The following HNRNPC variants were observed in gnomAD, a reference collection of about 807,000 sequenced individuals.
The protein encoded by HNRNPC is heterogeneous nuclear ribonucleoprotein C, also known as heterogeneous nuclear ribonucleoproteins C1/C2.
Under a neutral mutation model 33.2 loss-of-function variants are expected in HNRNPC, and 3 were observed. The observed-to-expected ratio is 0.09, with a 90% CI of 0.04 to 0.23. The LOEUF (loss-of-function observed/expected upper bound fraction) is 0.23, where lower values mean the gene tolerates loss of function less well. HNRNPC is among the 10% of genes least tolerant of loss of function. The pLI is 1.00. For synonymous variants in HNRNPC, 121 were observed against 126.7 expected (o/e 0.96, Z 0.30); for missense variants, 143 against 366.7 (o/e 0.39, Z 4.98).
chr14:21,249,352 A>AT (rs1409703801), intron 2 of HNRNPC, among the ~76,000 whole-genome samples: 1 of 151,656 alleles, frequency 6.6e-6, no homozygotes, highest in Admixed American at 6.6e-5. Flanking sequence ...AGGCAGGTGG[A>AT]TCACCAGAGG....
At chr14:21,248,404 A>G (rs1164882333) in intron 2 of HNRNPC, among the ~76,000 whole-genome samples, 2 of 152,204 alleles carry the variant, frequency 1.3e-5, no homozygotes, top group Non-Finnish European at 2.9e-5. Flanking sequence ...TGGGAAGTCA[A>G]TCTCTTTGAA....
intron 2 of HNRNPC, among the ~76,000 whole-genome samples, chr14:21,258,259 G>C (rs1443083524): frequency 1.3e-5 from 2 of 152,158 alleles, no homozygotes; most frequent in East Asian, 3.9e-4. Flanking sequence ...GTGTGGTGGT[G>C]CATGCCTGCA....
chr14:21,248,489 A>G (rs1896249007), intron 2 of HNRNPC, among the ~76,000 whole-genome samples: 1 of 152,206 alleles, frequency 6.6e-6, no homozygotes, highest in South Asian at 2.1e-4. Context: ...AGCATAAATG[A>G]AACAAGGTAC....
At chr14:21,265,133 A>G (rs1333844930) in intron 1 of HNRNPC, 1 of 152,200 alleles carries the variant, frequency 6.6e-6, no homozygotes, top group African/African-American at 2.4e-5. Context: ...ATGACAGTTA[A>G]TTTTTACATT....
chr14:21,236,020 A>T (rs1325596720), intron 2 of HNRNPC, among the ~76,000 whole-genome samples: 1 of 152,182 alleles, frequency 6.6e-6, no homozygotes, highest in African/African-American at 2.4e-5. Flanking sequence ...ATGGATTTAA[A>T]TGACCATTTT....
chr14:21,245,523 G>A (rs1314962715), intron 2 of HNRNPC, among the ~76,000 whole-genome samples: 2 of 151,900 alleles, frequency 1.3e-5, no homozygotes, highest in Non-Finnish European at 2.9e-5. Context: ...TTTCAAAAAC[G>A]GTATACCTAT....
chr14:21,260,416 G>A (rs1566646973), intron 2 of HNRNPC, among the ~76,000 whole-genome samples: 1 of 148,850 alleles, frequency 6.7e-6, no homozygotes, highest in Non-Finnish European at 1.5e-5. Context: ...AAGGTAGAAG[G>A]AATAAATTTA....
At chr14:21,250,999 C>T (rs1482750592) in intron 2 of HNRNPC, among the ~76,000 whole-genome samples, 4 of 152,142 alleles carry the variant, frequency 2.6e-5, no homozygotes, top group African/African-American at 7.2e-5. Context: ...CGGTGGCTCA[C>T]GCCTGTAATC....
At chr14:21,265,182 A>G (rs561436421) in intron 1 of HNRNPC, 1 of 152,232 alleles carries the variant, frequency 6.6e-6, no homozygotes, top group East Asian at 1.9e-4. Flanking sequence ...AATTGCGGAA[A>G]AAGTTTGTGA....
chr14:21,228,535 G>A (rs550007612), intron 5 of HNRNPC, among the ~76,000 whole-genome samples: 1 of 152,064 alleles, frequency 6.6e-6, no homozygotes, highest in Admixed American at 6.5e-5. Context: ...GGGACTACAG[G>A]CGCGTGCCAC....
At chr14:21,234,404 G>GA (rs1894442487) in intron 2 of HNRNPC, among the ~76,000 whole-genome samples, 175 bp from the exon 3 acceptor site, 1 of 152,194 alleles carries the variant, frequency 6.6e-6, no homozygotes, top group East Asian at 1.9e-4. Flanking sequence ...TCCAGCCTCT[G>GA]AATATACTCT....
intron 2 of HNRNPC, among the ~76,000 whole-genome samples, chr14:21,258,016 TATAAAC>T (rs765606881): frequency 7.2e-5 from 11 of 152,188 alleles, no homozygotes; most frequent in Non-Finnish European, 1.2e-4. Flanking sequence ...AGGGCAAAAA[TATAAAC>T]ATATTTAGTT....
Position 21,211,173 on chromosome 14 carries a change from C to G in HNRNPC, c.*50G>C. ...GGTGAAAAATTTGATCTTAGACAAG[C>G]GCCTAGGTAAAGAAATAATGGGATA... is the stretch of plus-strand genomic sequence containing the variant. On this transcript the variant is annotated 3_prime_UTR_variant, in exon 9 of 9. Coordinates refer to ENST00000553300, the MANE Select transcript of HNRNPC (RefSeq NM_004500.4). 2 of 1,568,318 alleles carry G rather than the reference C, an allele frequency of 1.3e-6. No homozygotes were observed. Among genetic ancestry groups the G allele is most frequent in the Non-Finnish European group, 1.7e-6 (2 of 1,143,080 alleles).
intron 5 of HNRNPC, among the ~76,000 whole-genome samples, chr14:21,219,745 C>G (rs1294149453): frequency 6.6e-6 from 1 of 152,168 alleles, no homozygotes; most frequent in Non-Finnish European, 1.5e-5. Flanking sequence ...GTTTTATAAA[C>G]TCTAAGCAGA....
intron 4 of HNRNPC, 41 bp downstream of exon 4, chr14:21,230,956 A>G: frequency 6.2e-7 from 1 of 1,611,128 alleles, no homozygotes; most frequent in Non-Finnish European, 8.5e-7. Flanking sequence ...AAAGTTCCGG[A>G]CCTGAGTAGA....
intron 1 of HNRNPC, among the ~76,000 whole-genome samples, chr14:21,267,550 A>ATT (rs1879225454): frequency 9.3e-6 from 1 of 107,962 alleles, no homozygotes; most frequent in Non-Finnish European, 1.9e-5. Context: ...CATGAGGGGG[A>ATT]AAAAAAAGGT....
intron 5 of HNRNPC, among the ~76,000 whole-genome samples, chr14:21,217,779 G>C (rs1022502372): frequency 6.6e-6 from 1 of 152,158 alleles, no homozygotes; most frequent in Admixed American, 6.5e-5. Flanking sequence ...TACATTAAAT[G>C]TACATACTTA....
At chr14:21,220,960 C>T (rs563083017) in intron 5 of HNRNPC, among the ~76,000 whole-genome samples, 11 of 152,124 alleles carry the variant, frequency 7.2e-5, no homozygotes, top group East Asian at 1.9e-4. Context: ...GGTGGCGCGC[C>T]GGTATTCCCA....
intron 2 of HNRNPC, among the ~76,000 whole-genome samples, chr14:21,254,784 T>C (rs1005590833): frequency 6.6e-6 from 1 of 152,104 alleles, no homozygotes; most frequent in African/African-American, 2.4e-5. Flanking sequence ...CAGGCGCCTG[T>C]AATCCCAGCT....
Sources: allele counts gnomAD v4.1 joint callset (sites outside exome capture counted in the v4.1 genomes callset), GRCh38; gene constraint gnomAD v4.1.1; transcripts MANE v1.5; gene names NCBI Gene and HGNC (gene_info 2026-07-23, HGNC 2026-07-21).